The following CTNNA2 variants were observed in gnomAD, a reference collection of about 807,000 sequenced individuals.
The protein encoded by CTNNA2 is catenin alpha-2.
Under a neutral mutation model 101.0 loss-of-function variants are expected in CTNNA2, and 42 were observed. The observed-to-expected ratio is 0.42, with a 90% CI of 0.32 to 0.54. The LOEUF is 0.54. Among genes scored for constraint, CTNNA2 ranks in the 20% least tolerant of loss-of-function variants. The pLI is 0.14. For synonymous variants in CTNNA2, 450 were observed against 456.4 expected (o/e 0.99, Z 0.18); for missense variants, 871 against 1,223.1 (o/e 0.71, Z 4.29).
At chr2:80,533,793 A>T (rs912297904) in intron 9 of CTNNA2, among the ~76,000 whole-genome samples, 1 of 152,182 alleles carries the variant, frequency 6.6e-6, no homozygotes, top group Non-Finnish European at 1.5e-5. Context: ...CCATGTAAAG[A>T]TGGAGAAAAC....
chr2:80,025,992 G>C (rs1694902366), intron 7 of CTNNA2, among the ~76,000 whole-genome samples: 1 of 152,188 alleles, frequency 6.6e-6, no homozygotes, highest in African/African-American at 2.4e-5. Context: ...AGTGTGTTAT[G>C]TGATAAGTAT....
chr2:79,667,085 G>C (rs565712578), intron 2 of CTNNA2, among the ~76,000 whole-genome samples: 5 of 152,072 alleles, frequency 3.3e-5, no homozygotes, highest in Non-Finnish European at 5.9e-5. Context: ...CCTAAAGCTG[G>C]GTTCTTCAAA....
chr2:79,354,077 T>C (rs1677451664), intron 3 of CTNNA2, among the ~76,000 whole-genome samples: 2 of 152,140 alleles, frequency 1.3e-5, no homozygotes, highest in Admixed American at 1.3e-4. Flanking sequence ...GTAAGTGACC[T>C]GGCCCTCCCT....
intron 1 of CTNNA2, among the ~76,000 whole-genome samples, chr2:79,527,427 C>T (rs1672474795): frequency 1.4e-5 from 2 of 141,586 alleles, no homozygotes; most frequent in African/African-American, 5.4e-5. Context: ...GTCAGGAGAT[C>T]GAGACCATCC....
rs149465655 is a variant in CTNNA2, at chr2:80,334,918, A to G, written c.1057-58293A>G. Reference sequence around the variant, plus strand: ...TATCATTCCCTCAAAGGCAAGGACCAGATTTGTCTTGTTTCCCACTGTAAC... The same window carrying G: ...TATCATTCCCTCAAAGGCAAGGACCGGATTTGTCTTGTTTCCCACTGTAAC... On this transcript the variant is annotated intron_variant, in intron 7 of 18. Transcript: ENST00000402739. Among the ~76,000 whole-genome samples, 210 of 152,354 alleles carry G rather than the reference A, an allele frequency of 1.4e-3. 1 individual carries two copies. The Middle Eastern group carries it at 0.024, about 17-fold the overall frequency.
At position 80,341,227 on chromosome 2, in the gene CTNNA2, T is replaced by G. The variant is rs181792816; in HGVS notation, c.1057-51984T>G. On this transcript the variant is annotated intron_variant, in intron 7 of 18. Transcript: ENST00000402739. ...AATCATTGGCCACCCAAGCTCCAGCTCCTACCTCCTCCCCAGAGGTGGGGA... is the reference window on the plus strand; with the variant it reads ...AATCATTGGCCACCCAAGCTCCAGCGCCTACCTCCTCCCCAGAGGTGGGGA... Among the ~76,000 whole-genome samples, 280 of 152,214 alleles carry G rather than the reference T, an allele frequency of 1.8e-3. 7 individuals carry two copies. In the South Asian group the frequency reaches 0.023, roughly 12 times the overall value.
intron 4 of CTNNA2, among the ~76,000 whole-genome samples, chr2:79,466,473 G>T (rs2104541370): frequency 6.6e-6 from 1 of 152,334 alleles, no homozygotes; most frequent in South Asian, 2.1e-4. Flanking sequence ...CCAAACAAAA[G>T]GCAGCAGAAA....
At chr2:79,775,310 T>G (rs546458592) in intron 3 of CTNNA2, among the ~76,000 whole-genome samples, 44 of 152,306 alleles carry the variant, frequency 2.9e-4, no homozygotes, top group African/African-American at 1.1e-3. Context: ...TTCTCTCTAT[T>G]TTTAACTTTT....
intron 12 of CTNNA2, among the ~76,000 whole-genome samples, chr2:80,566,716 T>G (rs2149685822): frequency 6.6e-6 from 1 of 152,154 alleles, no homozygotes; most frequent in East Asian, 1.9e-4. Context: ...TCAAGGTGAT[T>G]GGAGAAGTGG....
intron 9 of CTNNA2, among the ~76,000 whole-genome samples, chr2:80,451,060 G>A (rs945520733): frequency 6.6e-6 from 1 of 151,898 alleles, no homozygotes; most frequent in African/African-American, 2.4e-5. Context: ...AAAATATCTG[G>A]TGCATTATCC....
chr2:80,182,417 C>G (rs551047568), intron 7 of CTNNA2, among the ~76,000 whole-genome samples: 188 of 152,312 alleles, frequency 1.2e-3, no homozygotes, highest in African/African-American at 4.4e-3. Flanking sequence ...TCCCAGTCCA[C>G]TGACTCAAGT....
chr2:80,237,855 G>T (rs1328328406), intron 7 of CTNNA2, among the ~76,000 whole-genome samples: 2 of 152,018 alleles, frequency 1.3e-5, no homozygotes, highest in Admixed American at 1.3e-4. Flanking sequence ...GGGTTGAGTT[G>T]GTCTTCAACC....
chr2:79,619,979 A>G (rs1172295164), intron 1 of CTNNA2, among the ~76,000 whole-genome samples: 2 of 152,192 alleles, frequency 1.3e-5, no homozygotes, highest in Non-Finnish European at 1.5e-5. Flanking sequence ...ACAATCAACA[A>G]TGTGCATGAG....
chr2:79,481,226 T>C (rs915068658), intron 4 of CTNNA2, among the ~76,000 whole-genome samples: 7 of 152,308 alleles, frequency 4.6e-5, no homozygotes, highest in Non-Finnish European at 1.5e-5. Flanking sequence ...AAAATCATTC[T>C]GAGGAAGGTG....
chr2:80,617,851 C>A (rs1407697578), intron 17 of CTNNA2, among the ~76,000 whole-genome samples: 1 of 151,768 alleles, frequency 6.6e-6, no homozygotes, highest in Admixed American at 6.6e-5. Context: ...TTTTGTTTAT[C>A]TGTATATAGA....
chr2:79,576,867 C>G (rs1675831976), intron 1 of CTNNA2, among the ~76,000 whole-genome samples: 1 of 152,134 alleles, frequency 6.6e-6, no homozygotes, highest in Admixed American at 6.6e-5. Context: ...TACTATGGAT[C>G]ATTTGAGAAA....
intron 3 of CTNNA2, among the ~76,000 whole-genome samples, chr2:79,789,395 C>T (rs969280641): frequency 4.6e-5 from 7 of 152,024 alleles, no homozygotes; most frequent in African/African-American, 9.7e-5. Context: ...TTGCCAGAAA[C>T]GGGAAGGTCA....
rs549279164 is a variant in CTNNA2, at chr2:80,162,540, A to T, written c.1057-230671A>T. On this transcript the variant is annotated intron_variant, in intron 7 of 18. Coordinates refer to ENST00000402739, the MANE Select transcript of CTNNA2 (RefSeq NM_001282597.3). ...CAGCCATCATGATTCCTATCTTCAT[A>T]GAAGAAATCATCTCTTTCCTCTGTA... The T allele has an allele frequency of 2.5e-6, 4 of 1,605,024 alleles. No individual in the cohort carries two copies. In the African/African-American group the frequency reaches 5.3e-5, roughly 21 times the overall value.
At chr2:79,972,260 A>C (rs1353357292) in intron 7 of CTNNA2, among the ~76,000 whole-genome samples, 1 of 152,210 alleles carries the variant, frequency 6.6e-6, no homozygotes, top group African/African-American at 2.4e-5. Flanking sequence ...ATGCAGCGCT[A>C]CAATAAGGAT....
Sources: gnomAD v4.1 joint callset for allele counts (sites outside exome capture counted in the v4.1 genomes callset) on GRCh38, gnomAD v4.1.1 for gene constraint, MANE v1.5 for transcripts, NCBI Gene and HGNC (gene_info 2026-07-23, HGNC 2026-07-21) for gene names.